PPP1R9A: variants seen among roughly 807,000 people sequenced by gnomAD.
The protein encoded by PPP1R9A is neurabin-1.
A neutral mutation model predicts 141.9 loss-of-function variants in PPP1R9A; 59 were observed. That is an observed-to-expected ratio of 0.42 (90% CI 0.34 to 0.52). The LOEUF (loss-of-function observed/expected upper bound fraction) is 0.52, where lower values mean the gene tolerates loss of function less well. Among genes scored for constraint, PPP1R9A ranks in the 20% least tolerant of loss-of-function variants. The pLI is 0.10. For missense variants in PPP1R9A, 1,444 were observed against 1,611.9 expected (o/e 0.90, Z 1.78); for synonymous variants, 500 against 569.7 (o/e 0.88, Z 1.74).
chr7:95,217,149 C>A (rs1209584666), intron 7 of PPP1R9A, among the ~76,000 whole-genome samples: 1 of 152,110 alleles, frequency 6.6e-6, no homozygotes, highest in Non-Finnish European at 1.5e-5. Flanking sequence ...CCCAACAATA[C>A]CTAATTCATT....
At chr7:95,060,213 A>G (rs1294088905) in intron 2 of PPP1R9A, among the ~76,000 whole-genome samples, 1 of 152,180 alleles carries the variant, frequency 6.6e-6, no homozygotes, top group Non-Finnish European at 1.5e-5. Flanking sequence ...ACTGAAATCT[A>G]AGGTATCCAG....
intron 2 of PPP1R9A, among the ~76,000 whole-genome samples, chr7:94,912,580 G>T (rs1169900427): frequency 6.6e-6 from 1 of 152,038 alleles, no homozygotes; most frequent in Non-Finnish European, 1.5e-5. Context: ...ATCACTGTCT[G>T]TTATTTTCAT....
intron 8 of PPP1R9A, among the ~76,000 whole-genome samples, chr7:95,238,151 G>A (rs555532404): frequency 1.3e-5 from 2 of 152,148 alleles, no homozygotes; most frequent in African/African-American, 2.4e-5. Flanking sequence ...CCAACTTTTT[G>A]TATTTCAGGA....
At chr7:95,076,505 TCTGTCTA>T (rs1814883598) in intron 2 of PPP1R9A, among the ~76,000 whole-genome samples, 2 of 152,186 alleles carry the variant, frequency 1.3e-5, no homozygotes, top group African/African-American at 4.8e-5. Context: ...GTTTCATCAA[TCTGTCTA>T]CTCCTACACT....
chr7:95,004,216 G>A lies in PPP1R9A; in HGVS notation c.1395+92708G>A, dbSNP rs898717945. Among the ~76,000 whole-genome samples, 6 of 152,032 alleles carry A rather than the reference G, an allele frequency of 3.9e-5. 1 individual carries two copies. In the South Asian group the frequency reaches 1.2e-3, roughly 32 times the overall value. On this transcript the variant is annotated intron_variant, in intron 2 of 19. Transcript: ENST00000433360. ...AAAAATATATGAATGGAGCAGATCT[G>A]TGCATCACTTCAAACTAAAGATATA...
intron 12 of PPP1R9A, among the ~76,000 whole-genome samples, chr7:95,252,724 T>C (rs1799065088): frequency 6.6e-6 from 1 of 152,142 alleles, no homozygotes; most frequent in Admixed American, 6.6e-5. Flanking sequence ...TGCCTTGGCT[T>C]CCTAGAGTGC....
intron 2 of PPP1R9A, among the ~76,000 whole-genome samples, chr7:94,996,985 A>G (rs969482486): frequency 2.0e-5 from 3 of 151,906 alleles, no homozygotes; most frequent in Admixed American, 6.6e-5. Flanking sequence ...TGTATTTGGT[A>G]GAGACACGGG....
At chr7:95,249,624 CCT>C (rs1798597929) in intron 9 of PPP1R9A, among the ~76,000 whole-genome samples, 1 of 152,006 alleles carries the variant, frequency 6.6e-6, no homozygotes, top group Non-Finnish European at 1.5e-5. Flanking sequence ...CCTCCCTGGC[CCT>C]CTCCACTCCC....
chr7:94,996,664 G>C (rs1368028963), intron 2 of PPP1R9A, among the ~76,000 whole-genome samples: 1 of 152,018 alleles, frequency 6.6e-6, no homozygotes, highest in Non-Finnish European at 1.5e-5. Flanking sequence ...TATGTCACTT[G>C]TTTACTATTA....
At position 95,078,298 on chromosome 7, in the gene PPP1R9A, A is replaced by G. The variant is rs564303680; in HGVS notation, c.1396-32961A>G. Among the ~76,000 whole-genome samples, 22 of 151,844 alleles carry G rather than the reference A, an allele frequency of 1.4e-4. 1 individual carries two copies. The highest frequency in any genetic ancestry group is 3.4e-3 in the Middle Eastern group (1 of 294). ...TTCCAATTTCATCCATGTCCCTACA[A>G]AGGACATGAACTCATCATTTTTTAT... On this transcript the variant is annotated intron_variant, in intron 2 of 19. Transcript: ENST00000433360.
rs188518104 is a variant in PPP1R9A, at chr7:94,920,121, T to C, written c.1395+8613T>C. Among the ~76,000 whole-genome samples, 20 of 152,318 alleles carry C rather than the reference T, an allele frequency of 1.3e-4. No individual in the cohort carries two copies. In the East Asian group the frequency reaches 3.1e-3, roughly 23 times the overall value. On this transcript the variant is annotated intron_variant, in intron 2 of 19. Coordinates refer to ENST00000433360, the MANE Select transcript of PPP1R9A (RefSeq NM_001166160.2). Reference sequence around the variant, plus strand: ...TTGAGAACAATAATTCTATAGATTATAGTAGAAACCTTAAAATGAGTAAAA... The same window carrying C: ...TTGAGAACAATAATTCTATAGATTACAGTAGAAACCTTAAAATGAGTAAAA...
chr7:95,151,508 G>T (rs918167814), intron 4 of PPP1R9A, among the ~76,000 whole-genome samples: 2 of 152,082 alleles, frequency 1.3e-5, no homozygotes, highest in Non-Finnish European at 2.9e-5. Flanking sequence ...TTTTTTTAGG[G>T]CAATGAAACC....
intron 2 of PPP1R9A, among the ~76,000 whole-genome samples, chr7:95,066,664 T>G (rs533346187): frequency 6.6e-6 from 1 of 151,970 alleles, no homozygotes; most frequent in Non-Finnish European, 1.5e-5. Context: ...CCCAATGAAG[T>G]AGAAATAGTA....
chr7:94,988,609 A>G (rs1401638340), intron 2 of PPP1R9A, among the ~76,000 whole-genome samples: 1 of 152,018 alleles, frequency 6.6e-6, no homozygotes, highest in African/African-American at 2.4e-5. Context: ...CTTCTGTTAC[A>G]TTTTCTTAAC....
At chr7:94,987,669 G>A (rs1302880079) in intron 2 of PPP1R9A, among the ~76,000 whole-genome samples, 1 of 152,024 alleles carries the variant, frequency 6.6e-6, no homozygotes, top group Non-Finnish European at 1.5e-5. Context: ...TATTTATAGT[G>A]GTATGGGACA....
At chr7:95,262,345 G>C (rs1800563730) in intron 12 of PPP1R9A, among the ~76,000 whole-genome samples, 1 of 152,136 alleles carries the variant, frequency 6.6e-6, no homozygotes, top group South Asian at 2.1e-4. Flanking sequence ...AGGTTATGCA[G>C]ATCTCTTTTC....
chr7:95,231,141 TA>T (rs979328419), intron 8 of PPP1R9A, among the ~76,000 whole-genome samples: 1 of 151,898 alleles, frequency 6.6e-6, no homozygotes, highest in Non-Finnish European at 1.5e-5. Context: ...CAACAGCAGT[TA>T]AAAAAAGACA....
chr7:95,193,281 G>A (rs897859579), intron 5 of PPP1R9A, among the ~76,000 whole-genome samples: 7 of 152,032 alleles, frequency 4.6e-5, no homozygotes, highest in African/African-American at 7.2e-5. Flanking sequence ...AGAGATATAT[G>A]TACTTTAACA....
At chr7:95,289,651 T>C (rs1359251235) in intron 19 of PPP1R9A, among the ~76,000 whole-genome samples, 1 of 152,212 alleles carries the variant, frequency 6.6e-6, no homozygotes, top group Non-Finnish European at 1.5e-5. Context: ...GTTCTCATTG[T>C]AATGAAAACA....
Sources: allele counts gnomAD v4.1 joint callset (sites outside exome capture counted in the v4.1 genomes callset), GRCh38; gene constraint gnomAD v4.1.1; transcripts MANE v1.5; gene names NCBI Gene and HGNC (gene_info 2026-07-23, HGNC 2026-07-21).